TCF12: variants seen among roughly 807,000 people sequenced by gnomAD.
TCF12 encodes transcription factor 12, also known as DNA-binding protein HTF4.
A neutral mutation model predicts 86.0 loss-of-function variants in TCF12; 45 were observed. The ratio of observed to expected loss-of-function variants is 0.52; its 90% CI spans 0.41 to 0.67. TCF12 has a LOEUF of 0.67. TCF12 is among the 30% of genes least tolerant of loss of function. The probability of loss-of-function intolerance (pLI) is 0.00; values close to 1 mark genes in which losing one functional copy is unlikely to be tolerated. For missense variants in TCF12, 881 were observed against 859.9 expected, an observed-to-expected ratio of 1.02 and a Z score of -0.31; for synonymous variants, 330 against 299.6, an observed-to-expected ratio of 1.10 and a Z score of -1.05.
At chr15:57,250,638 A>G (rs2060066415) in intron 13 of TCF12, among the ~76,000 whole-genome samples, 1 of 152,076 alleles carries the variant, frequency 6.6e-6, no homozygotes, top group African/African-American at 2.4e-5. Context: ...CTGAGGCAGG[A>G]GAATCGCTTG....
intron 18 of TCF12, among the ~76,000 whole-genome samples, chr15:57,266,966 CT>C (rs1321456186): frequency 6.6e-6 from 1 of 152,116 alleles, no homozygotes; most frequent in African/African-American, 2.4e-5. Flanking sequence ...AAGTTTGAGG[CT>C]ATAGTGAGCC....
chr15:57,228,598 A>G lies in TCF12; in HGVS notation c.580-2554A>G, dbSNP rs113057229. Among the ~76,000 whole-genome samples, 169 of 152,124 alleles carry G rather than the reference A, an allele frequency of 1.1e-3. 4 individuals are homozygous for G. Among genetic ancestry groups the G allele is most frequent in the African/African-American group, 4.0e-3 (165 of 41,552 alleles). On this transcript the variant is annotated intron_variant, in intron 8 of 20. Transcript: ENST00000333725. ...TCTCTTTCTGTGCTTTGTGTGGTTT[A>G]TCTTAGTTTTCTTGCTCTCCATGAC...
rs139749090 is a variant in TCF12, at chr15:57,191,805, G to A, written c.391-353G>A. ...ATACAAAAATTAGGCATGGTGGTGC[G>A]CGCCTGTAATCCCAGCTACTCAGGA... is the stretch of plus-strand genomic sequence containing the variant. On this transcript the variant is annotated intron_variant, in intron 6 of 20. Transcript: ENST00000333725. Among the ~76,000 whole-genome samples the A allele has an allele frequency of 3.9e-3, 598 of 151,976 alleles. 3 individuals are homozygous for A. Among genetic ancestry groups the A allele is most frequent in the Non-Finnish European group, 6.5e-3 (441 of 67,966 alleles).
intron 6 of TCF12, among the ~76,000 whole-genome samples, chr15:57,176,740 C>T (rs1176755032): frequency 2.0e-5 from 3 of 152,060 alleles, no homozygotes; most frequent in East Asian, 3.8e-4. Flanking sequence ...GAAATGAAGC[C>T]ATGATTAAAC....
At chr15:57,078,134 T>G (rs1357440586) in intron 4 of TCF12, among the ~76,000 whole-genome samples, 1 of 152,202 alleles carries the variant, frequency 6.6e-6, no homozygotes. Context: ...TCAATATGTT[T>G]CATTTTGCTT....
chr15:57,167,621 AAGAG>A (rs1567551987), intron 6 of TCF12, among the ~76,000 whole-genome samples: 3 of 152,118 alleles, frequency 2.0e-5, no homozygotes, highest in African/African-American at 7.2e-5. Flanking sequence ...GAAAGGAAGA[AAGAG>A]AGAGAGAAAA....
chr15:57,216,455 A>G (rs1597377417), intron 8 of TCF12, among the ~76,000 whole-genome samples: 1 of 151,952 alleles, frequency 6.6e-6, no homozygotes, highest in Admixed American at 6.6e-5. Flanking sequence ...ACAGTTCAGA[A>G]CTACTGTGCA....
intron 6 of TCF12, among the ~76,000 whole-genome samples, chr15:57,170,728 A>G: frequency 5.5e-4 from 1 of 1,822 alleles, no homozygotes; most frequent in Non-Finnish European, 1.1e-3. Context: ...TATATTATAT[A>G]TTATATATAA....
At chr15:57,271,984 G>A (rs1052324390) in intron 18 of TCF12, among the ~76,000 whole-genome samples, 13 of 152,112 alleles carry the variant, frequency 8.5e-5, no homozygotes, top group African/African-American at 2.9e-4. Flanking sequence ...CCATCCCGTG[G>A]TCCTTGGCAA....
intron 3 of TCF12, among the ~76,000 whole-genome samples, chr15:57,056,195 C>T (rs1429180407): frequency 6.6e-6 from 1 of 150,902 alleles, no homozygotes; most frequent in African/African-American, 2.4e-5. Context: ...GGCTGGAGTG[C>T]AATGGTACAA....
intron 6 of TCF12, among the ~76,000 whole-genome samples, chr15:57,170,489 G>A (rs182321819): frequency 4.0e-5 from 6 of 148,974 alleles, no homozygotes; most frequent in Admixed American, 6.8e-5. Flanking sequence ...ATGCGCTTGT[G>A]AAAACATTTC....
chr15:56,932,054 A>G (rs1349824632), intron 3 of TCF12, among the ~76,000 whole-genome samples: 12 of 152,200 alleles, frequency 7.9e-5, no homozygotes, highest in Admixed American at 7.2e-4. Context: ...TCTCAAGCTT[A>G]GGAACAGTGC....
intron 13 of TCF12, among the ~76,000 whole-genome samples, chr15:57,244,284 G>A (rs2059759166): frequency 6.6e-6 from 1 of 152,114 alleles, no homozygotes; most frequent in South Asian, 2.1e-4. Flanking sequence ...ATGTACTACG[G>A]GTAAGATTCA....
chr15:57,151,713 C>A (rs1229119597), intron 5 of TCF12, among the ~76,000 whole-genome samples: 2 of 151,510 alleles, frequency 1.3e-5, no homozygotes, highest in African/African-American at 4.9e-5. Flanking sequence ...TGCAGTGAGC[C>A]GAGATCATGC....
chr15:57,064,147 A>G (rs1175559808), intron 4 of TCF12, among the ~76,000 whole-genome samples: 2 of 152,080 alleles, frequency 1.3e-5, no homozygotes, highest in Admixed American at 1.3e-4. Flanking sequence ...GCTTTGAGAG[A>G]TGGCATTGGC....
chr15:57,063,626 T>G (rs982683626), intron 3 of TCF12, 124 bp from the exon 4 acceptor site: 2 of 610,174 alleles, frequency 3.3e-6, no homozygotes, highest in Non-Finnish European at 2.8e-6. Context: ...GAAGCAAGGA[T>G]TGATACTTAG....
chr15:57,219,494 T>G (rs780177175), intron 8 of TCF12: 13 of 1,607,264 alleles, frequency 8.1e-6, no homozygotes, highest in Non-Finnish European at 1.1e-5. Context: ...GTGCATTAGC[T>G]ACAAATAGTA....
chr15:56,950,854 T>C (rs1663284580), intron 3 of TCF12, among the ~76,000 whole-genome samples: 2 of 149,102 alleles, frequency 1.3e-5, no homozygotes, highest in South Asian at 2.1e-4. Flanking sequence ...CCTCCCAGGT[T>C]CAAGCGATTC....
At chr15:57,057,096 T>C (rs1405355711) in intron 3 of TCF12, among the ~76,000 whole-genome samples, 1 of 152,238 alleles carries the variant, frequency 6.6e-6, no homozygotes, top group Non-Finnish European at 1.5e-5. Context: ...AAAAATTATC[T>C]CTTGCCTGAA....
Sources: gnomAD v4.1 joint callset for allele counts (sites outside exome capture counted in the v4.1 genomes callset) on GRCh38, gnomAD v4.1.1 for gene constraint, MANE v1.5 for transcripts, NCBI Gene and HGNC (gene_info 2026-07-23, HGNC 2026-07-21) for gene names.